Variants in ELP3 observed in about 807,000 individuals in gnomAD.
ELP3 encodes the protein elongator complex protein 3.
In ELP3, 56 loss-of-function variants were observed where a neutral mutation model predicts 74.9. The observed-to-expected ratio is 0.75, with a 90% CI of 0.60 to 0.93. The LOEUF (loss-of-function observed/expected upper bound fraction) is 0.93, where lower values mean the gene tolerates loss of function less well. Among genes scored for constraint, ELP3 ranks in the 40% least tolerant of loss-of-function variants. The probability of loss-of-function intolerance (pLI) is 0.00; values close to 1 mark genes in which losing one functional copy is unlikely to be tolerated. For synonymous variants in ELP3, 222 were observed against 239.8 expected, an observed-to-expected ratio of 0.93 and a Z score of 0.68; for missense variants, 573 against 686.5, an observed-to-expected ratio of 0.83 and a Z score of 1.85.
At chr8:28,094,557 A>C (rs1427084776) in intron 1 of ELP3, among the ~76,000 whole-genome samples, 1 of 152,164 alleles carries the variant, frequency 6.6e-6, no homozygotes, top group Non-Finnish European at 1.5e-5. Flanking sequence ...TGTCTCTACT[A>C]AAAACACAAA....
chr8:28,149,804 A>T (rs1028894620), intron 10 of ELP3, among the ~76,000 whole-genome samples: 1 of 152,126 alleles, frequency 6.6e-6, no homozygotes, highest in Non-Finnish European at 1.5e-5. Flanking sequence ...CAGTGCTATA[A>T]ATTTTCCTCT....
chr8:28,123,733 T>C (rs1812463487), intron 7 of ELP3, among the ~76,000 whole-genome samples: 1 of 152,242 alleles, frequency 6.6e-6, no homozygotes, highest in South Asian at 2.1e-4. Flanking sequence ...TTTCCTGATG[T>C]ATGAGCTTTT....
At chr8:28,162,460 A>G (rs1334271567) in intron 14 of ELP3, among the ~76,000 whole-genome samples, 1 of 152,224 alleles carries the variant, frequency 6.6e-6, no homozygotes, top group South Asian at 2.1e-4. Context: ...TTCAGAAATT[A>G]AAATAGAACC....
intron 11 of ELP3, 45 bp from the exon 12 acceptor site, chr8:28,158,523 C>G: frequency 8.3e-7 from 1 of 1,201,314 alleles, no homozygotes; most frequent in Non-Finnish European, 1.2e-6. Flanking sequence ...TATATTTGTA[C>G]CCCTCCCACC....
At position 28,189,685 on chromosome 8, in the gene ELP3, A is replaced by G. The variant is rs778851221; in HGVS notation, c.1604A>G (p.Tyr535Cys). The change falls in exon 15 of 15, where the codon TAC becomes TGC. Residue 535 changes from tyrosine (Y) to cysteine (C), a missense_variant. Transcript: ENST00000256398. ...AGGAATTATTATAGAAAGATCGGCT[A>G]CAGATTACAAGGCCCGTACATGGTG... Reference protein sequence around the residue: ...GTRNYYRKIGYRLQGPYMVKM... With the variant: ...GTRNYYRKIGCRLQGPYMVKM... 18 of 1,614,048 alleles carry G rather than the reference A, an allele frequency of 1.1e-5. No homozygotes were observed. The highest frequency in any genetic ancestry group is 1.5e-5 in the Non-Finnish European group (18 of 1,180,010).
chr8:28,093,146 A>C lies in ELP3; in HGVS notation c.-69A>C. The C allele has an allele frequency of 1.3e-6, 2 of 1,593,968 alleles. No individual in the cohort carries two copies. The highest frequency in any genetic ancestry group is 1.1e-5 in the South Asian group (1 of 88,044). Reference sequence around the variant, plus strand: ...CAGGCGGGATTGTTTTGTGGCTGTCAGCTTTCCCCGTGGTCTGAGTTTGTG... The same window carrying C: ...CAGGCGGGATTGTTTTGTGGCTGTCCGCTTTCCCCGTGGTCTGAGTTTGTG... On this transcript the variant is annotated 5_prime_UTR_variant, in exon 1 of 15. Transcript: ENST00000256398.
intron 14 of ELP3, chr8:28,183,140 A>G (rs1815085698): frequency 2.2e-6 from 1 of 456,230 alleles, no homozygotes; most frequent in Non-Finnish European, 4.4e-6. Context: ...TTAATAACTT[A>G]CATATAGTAA....
intron 14 of ELP3, among the ~76,000 whole-genome samples, chr8:28,164,471 T>A (rs1814228510): frequency 6.6e-6 from 1 of 152,168 alleles, no homozygotes; most frequent in African/African-American, 2.4e-5. Context: ...AAGGGGTTTC[T>A]TTTGGCAGTG....
intron 7 of ELP3, among the ~76,000 whole-genome samples, chr8:28,117,144 C>T (rs1451819055): frequency 1.3e-5 from 2 of 151,966 alleles, no homozygotes; most frequent in Non-Finnish European, 2.9e-5. Flanking sequence ...TTAGACTTGC[C>T]TCTCTCCCCC....
At chr8:28,183,242 G>A in intron 14 of ELP3, 1 of 461,350 alleles carries the variant, frequency 2.2e-6, no homozygotes, top group African/African-American at 2.0e-5. Flanking sequence ...CACAGAAGCT[G>A]TTCACTCTAG....
chr8:28,132,474 C>T, intron 9 of ELP3, 70 bp downstream of exon 9: 3 of 1,593,136 alleles, frequency 1.9e-6, no homozygotes, highest in Admixed American at 1.7e-5. Flanking sequence ...GGTCTTGTTG[C>T]TTGTTCACTG....
Position 28,160,349 on chromosome 8 carries a change from A to G in ELP3, c.1378A>G (p.Thr460Ala), listed in dbSNP as rs199876498. 3.7e-6 allele frequency: 6 copies of G among 1,614,058 alleles called. No homozygotes were observed. Among genetic ancestry groups the G allele is most frequent in the African/African-American group, 1.3e-5 (1 of 74,920 alleles). ...LLRLRKCSEE[T>A]FRFELGGGVS... ...ACGATTACGCAAGTGTTCAGAAGAAACTTTCCGTTTCGAATTGGGTGGAGG... is the reference window on the plus strand; with the variant it reads ...ACGATTACGCAAGTGTTCAGAAGAAGCTTTCCGTTTCGAATTGGGTGGAGG... The change falls in exon 13 of 15, where the codon ACT becomes GCT. Residue 460 changes from threonine (T) to alanine (A), a missense_variant. Transcript: ENST00000256398.
rs1815393733 is a variant in ELP3, at chr8:28,189,924, C to T, written c.*199C>T. On this transcript the variant is annotated 3_prime_UTR_variant, in exon 15 of 15. Coordinates refer to ENST00000256398, the MANE Select transcript of ELP3 (RefSeq NM_018091.6). Reference sequence around the variant, plus strand: ...CACACCCCAGATCCGCCCTCTCCTGCGTGCACCCCAAAAAATCACTTGCGT... The same window carrying T: ...CACACCCCAGATCCGCCCTCTCCTGTGTGCACCCCAAAAAATCACTTGCGT... 9.9e-6 allele frequency: 5 copies of T among 505,090 alleles called. 1 individual carries two copies. The highest frequency in any genetic ancestry group is 6.4e-5 in the South Asian group (2 of 31,386). The allele number at this position is 505,090 out of a possible 1,614,324, so 31.3% of individuals were successfully genotyped here.
At chr8:28,158,546 T>G (rs757222205) in intron 11 of ELP3, 22 bp from the exon 12 acceptor site, 77 of 1,359,136 alleles carry the variant, frequency 5.7e-5, no homozygotes, top group Middle Eastern at 1.8e-4. Flanking sequence ...CCAACCCCGC[T>G]CACGCCATTT....
chr8:28,188,831 A>T (rs1473475719), intron 14 of ELP3, among the ~76,000 whole-genome samples: 1 of 152,186 alleles, frequency 6.6e-6, no homozygotes, highest in Non-Finnish European at 1.5e-5. Flanking sequence ...GCCAACTTGG[A>T]CAGCAGTTGT....
intron 7 of ELP3, among the ~76,000 whole-genome samples, chr8:28,125,200 A>G (rs958968427): frequency 2.6e-5 from 4 of 152,246 alleles, no homozygotes; most frequent in African/African-American, 9.6e-5. Context: ...AGAAGTGAGT[A>G]AACTCCACTG....
intron 5 of ELP3, among the ~76,000 whole-genome samples, chr8:28,109,348 G>C (rs1029880789): frequency 2.0e-5 from 3 of 151,882 alleles, no homozygotes; most frequent in African/African-American, 7.3e-5. Context: ...TTTTTTTCTT[G>C]TTTTCTAGGG....
chr8:28,179,430 G>T (rs1255042281), intron 14 of ELP3, among the ~76,000 whole-genome samples: 2 of 152,124 alleles, frequency 1.3e-5, no homozygotes, highest in African/African-American at 4.8e-5. Flanking sequence ...TCTTTACTTT[G>T]CATTATTATT....
upstream of ELP3, among the ~76,000 whole-genome samples, chr8:28,092,365 A>T (rs1031945391): frequency 2.6e-4 from 40 of 152,094 alleles, no homozygotes; most frequent in African/African-American, 9.4e-4. Context: ...AGTAGCTGGG[A>T]TTACAGGCGT....
Sources: gnomAD v4.1 joint callset for allele counts (sites outside exome capture counted in the v4.1 genomes callset) on GRCh38, gnomAD v4.1.1 for gene constraint, MANE v1.5 for transcripts, NCBI Gene and HGNC (gene_info 2026-07-23, HGNC 2026-07-21) for gene names.